PUDP: variants seen among roughly 807,000 people sequenced by gnomAD.
PUDP encodes the protein pseudouridine-5'-phosphatase.
A neutral mutation model predicts 9.4 loss-of-function variants in PUDP; 8 were observed. The ratio of observed to expected loss-of-function variants is 0.85; its 90% CI spans 0.50 to 1.53. The LOEUF (loss-of-function observed/expected upper bound fraction) is 1.53. Ranked by LOEUF, PUDP falls within the 40% of genes most tolerant of loss-of-function variation. The probability of loss-of-function intolerance (pLI) is 0.00; values close to 1 mark genes in which losing one functional copy is unlikely to be tolerated. For synonymous variants in PUDP, 99 were observed against 80.7 expected, an observed-to-expected ratio of 1.23 and a Z score of -1.22; for missense variants, 188 against 189.7, an observed-to-expected ratio of 0.99 and a Z score of 0.05.
chrX:6,978,178 T>G (rs1928981629), exon 2 of PUDP, among the ~76,000 whole-genome samples: 1 of 112,382 alleles, frequency 8.9e-6, no homozygotes, highest in Non-Finnish European at 1.9e-5. Context: ...AAACTCTGTT[T>G]GCCTTCTTTA....
intron 3 of PUDP, among the ~76,000 whole-genome samples, chrX:6,912,955 T>C (rs1035678503): frequency 2.7e-5 from 3 of 112,134 alleles, no homozygotes; most frequent in African/African-American, 9.7e-5. Context: ...CCTCTGAATA[T>C]CATAAACACT....
intron 3 of PUDP, among the ~76,000 whole-genome samples, chrX:6,896,137 G>C (rs1197828589): frequency 8.9e-6 from 1 of 111,932 alleles, no homozygotes; most frequent in Non-Finnish European, 1.9e-5. Context: ...CAACAGGCAG[G>C]AGTTTAGAAT....
chrX:7,117,272 G>C (rs1932222767), intron 1 of PUDP, among the ~76,000 whole-genome samples: 2 of 112,153 alleles, frequency 1.8e-5, no homozygotes, highest in African/African-American at 6.5e-5. Context: ...CAGCTTCCTA[G>C]AGAACAGTTA....
At chrX:7,134,380 C>T (rs771370239) in intron 1 of PUDP, among the ~76,000 whole-genome samples, 2 of 112,014 alleles carry the variant, frequency 1.8e-5, no homozygotes, top group Admixed American at 9.5e-5. Flanking sequence ...AGTGATGAAG[C>T]GCCCAGGAGT....
intron 1 of PUDP, among the ~76,000 whole-genome samples, chrX:7,002,276 A>C (rs1230465232): frequency 8.9e-6 from 1 of 112,134 alleles, no homozygotes; most frequent in Non-Finnish European, 1.9e-5. Context: ...GAAACTTAAA[A>C]ATCTAGAAAT....
intron 3 of PUDP, among the ~76,000 whole-genome samples, chrX:6,815,201 C>A (rs1926209823): frequency 9.2e-6 from 1 of 109,220 alleles, no homozygotes; most frequent in African/African-American, 3.3e-5. Flanking sequence ...AGAAACCCAG[C>A]CTGTCCATTT....
At chrX:6,884,240 T>C (rs1418517795) in intron 3 of PUDP, among the ~76,000 whole-genome samples, 2 of 112,119 alleles carry the variant, frequency 1.8e-5, no homozygotes. Flanking sequence ...GGAAAGGCAC[T>C]TGGCATGATT....
intron 3 of PUDP, among the ~76,000 whole-genome samples, chrX:6,754,588 T>G (rs1488333742): frequency 1.8e-5 from 2 of 108,694 alleles, no homozygotes; most frequent in Non-Finnish European, 1.9e-5. Context: ...TTATAAAATA[T>G]TAGAAATTAT....
intron 1 of PUDP, among the ~76,000 whole-genome samples, chrX:7,135,737 T>C (rs1932727088): frequency 8.9e-6 from 1 of 111,873 alleles, no homozygotes; most frequent in Non-Finnish European, 1.9e-5. Context: ...TAATCTTCCC[T>C]TTCCTATTTT....
chrX:6,953,932 T>C (rs961186839), intron 3 of PUDP, among the ~76,000 whole-genome samples: 1 of 110,708 alleles, frequency 9.0e-6, no homozygotes, highest in Non-Finnish European at 1.9e-5. Context: ...ATGAGGGTGG[T>C]TATCTCCATG....
chrX:7,120,104 G>T (rs1413094662), intron 1 of PUDP, among the ~76,000 whole-genome samples: 1 of 90,988 alleles, frequency 1.1e-5, no homozygotes, highest in Non-Finnish European at 2.2e-5. Context: ...TCCAGAATAC[G>T]TAAGGAACTG....
intron 1 of PUDP, among the ~76,000 whole-genome samples, chrX:7,122,128 C>T (rs184480766): frequency 9.0e-6 from 1 of 110,804 alleles, no homozygotes; most frequent in African/African-American, 3.3e-5. Context: ...TTCGAGGCTA[C>T]AGTCAGCTAT....
intron 3 of PUDP, among the ~76,000 whole-genome samples, chrX:6,804,010 T>C (rs1019972900): frequency 1.3e-4 from 14 of 111,909 alleles, no homozygotes; most frequent in African/African-American, 3.3e-4. Context: ...ATTTTTTCAT[T>C]GATTTTTCAT....
chrX:6,998,523 C>A (rs1929281142), intron 1 of PUDP, among the ~76,000 whole-genome samples: 2 of 110,358 alleles, frequency 1.8e-5, no homozygotes, highest in Non-Finnish European at 3.8e-5. Flanking sequence ...TAGTCTTTCT[C>A]CAGCCGAAAA....
At chrX:6,898,769 CTTTT>C (rs1463515019) in intron 3 of PUDP, among the ~76,000 whole-genome samples, 12 of 108,342 alleles carry the variant, frequency 1.1e-4, no homozygotes, top group African/African-American at 3.9e-4. Context: ...AAATATTCTT[CTTTT>C]GATTCTTTTT....
At chrX:6,737,640 G>T (rs1368525637) in intron 3 of PUDP, among the ~76,000 whole-genome samples, 1 of 110,649 alleles carries the variant, frequency 9.0e-6, no homozygotes, top group Non-Finnish European at 1.9e-5. Flanking sequence ...CCACAGAAGT[G>T]ATGGCGGGGA....
At position 6,757,358 on chromosome X, in the gene PUDP, G is replaced by A. The variant is rs114197973; in HGVS notation, c.*248-50892C>T. On this transcript the variant is annotated intron_variant and NMD_transcript_variant, in intron 3 of 3. Transcript: ENST00000655425. Reference sequence around the variant, plus strand: ...GGGTTAAGGGAATCCATAGTGCTAGGGAGAAGAAAGCTGAAATGAAAAACT... The same window carrying A: ...GGGTTAAGGGAATCCATAGTGCTAGAGAGAAGAAAGCTGAAATGAAAAACT... Among the ~76,000 whole-genome samples the A allele has an allele frequency of 5.6e-3, 614 of 110,508 alleles. 5 individuals are homozygous for A. The highest frequency in any genetic ancestry group is 0.019 in the African/African-American group (583 of 30,395).
rs368017548 is a variant in PUDP, at chrX:6,883,910, G to A, written c.*247+93223C>T. Among the ~76,000 whole-genome samples the A allele has an allele frequency of 1.3e-4, 14 of 111,173 alleles. No homozygotes were observed. In the South Asian group the frequency reaches 2.7e-3, roughly 21 times the overall value. On this transcript the variant is annotated intron_variant and NMD_transcript_variant, in intron 3 of 3. Coordinates refer to the PUDP transcript ENST00000655425. ...GTCTGGAGTGCAGCGGCACGATCTCGGCTCGCTGCAAGCTCCGTCTCCCGG... is the reference window on the plus strand; with the variant it reads ...GTCTGGAGTGCAGCGGCACGATCTCAGCTCGCTGCAAGCTCCGTCTCCCGG...
chrX:7,122,018 T>A (rs1192572990), intron 1 of PUDP, among the ~76,000 whole-genome samples: 1 of 111,361 alleles, frequency 9.0e-6, no homozygotes. Context: ...AGACCCTGTC[T>A]CTACAAAAAA....
Sources: allele counts gnomAD v4.1 joint callset (sites outside exome capture counted in the v4.1 genomes callset), GRCh38; gene constraint gnomAD v4.1.1; transcripts MANE v1.5; gene names NCBI Gene and HGNC (gene_info 2026-07-23, HGNC 2026-07-21).